ZBTB16: variants seen among roughly 807,000 people sequenced by gnomAD.
The protein encoded by ZBTB16 is zinc finger and BTB domain containing 16.
ZBTB16 carries 8 observed loss-of-function variants against 56.8 expected under a neutral mutation model. The ratio of observed to expected loss-of-function variants is 0.14; its 90% CI spans 0.08 to 0.25. ZBTB16 has a LOEUF of 0.25. Ranked by LOEUF, ZBTB16 falls within the 10% of genes least tolerant of loss-of-function variation. The probability of loss-of-function intolerance (pLI) is 1.00; values close to 1 mark genes in which losing one functional copy is unlikely to be tolerated. For synonymous variants in ZBTB16, 363 were observed against 368.5 expected (o/e 0.98, Z 0.17); for missense variants, 625 against 903.0 (o/e 0.69, Z 3.95).
intron 3 of ZBTB16, among the ~76,000 whole-genome samples, chr11:114,181,488 C>G (rs1284336734): frequency 6.6e-6 from 1 of 152,234 alleles, no homozygotes; most frequent in Non-Finnish European, 1.5e-5. Flanking sequence ...TAAATGGCAC[C>G]AAGGACCTCT....
intron 4 of ZBTB16, among the ~76,000 whole-genome samples, chr11:114,212,948 T>C (rs1944025306): frequency 6.6e-6 from 1 of 151,980 alleles, no homozygotes; most frequent in African/African-American, 2.4e-5. Flanking sequence ...TCAACCTTCA[T>C]CACTGGATGG....
chr11:114,123,797 G>A (rs1045107686), intron 2 of ZBTB16, among the ~76,000 whole-genome samples: 1 of 152,118 alleles, frequency 6.6e-6, no homozygotes, highest in Non-Finnish European at 1.5e-5. Context: ...CCTTAAAATA[G>A]GGTTTTAATA....
rs369737127 is a variant in ZBTB16, at chr11:114,072,318, C to T, written c.1268+7750C>T. Among the ~76,000 whole-genome samples, 49 of 152,330 alleles carry T rather than the reference C, an allele frequency of 3.2e-4. No homozygotes were observed. The South Asian group carries it at 8.1e-3, about 25-fold the overall frequency. On this transcript the variant is annotated intron_variant, in intron 2 of 6. Transcript: ENST00000335953. Reference sequence around the variant, plus strand: ...CCAGGGTACTCTTTGTCCCATTGACCTGAGGCCTGGTGAGTCATTCCAGTT... The same window carrying T: ...CCAGGGTACTCTTTGTCCCATTGACTTGAGGCCTGGTGAGTCATTCCAGTT...
intron 2 of ZBTB16, among the ~76,000 whole-genome samples, chr11:114,094,571 G>A (rs1035746183): frequency 1.3e-5 from 2 of 152,226 alleles, no homozygotes; most frequent in African/African-American, 2.4e-5. Flanking sequence ...GGAGGAGGTA[G>A]CTTCCAGAGA....
At chr11:114,183,307 G>A (rs1943293131) in intron 3 of ZBTB16, among the ~76,000 whole-genome samples, 1 of 152,206 alleles carries the variant, frequency 6.6e-6, no homozygotes, top group African/African-American at 2.4e-5. Flanking sequence ...TTGAAGGCAA[G>A]CAGATGTGGT....
intron 2 of ZBTB16, among the ~76,000 whole-genome samples, chr11:114,100,941 G>A (rs1042827179): frequency 4.6e-5 from 7 of 151,952 alleles, no homozygotes; most frequent in Non-Finnish European, 8.8e-5. Flanking sequence ...AGATACTCAC[G>A]GGAGCCAGCA....
intron 3 of ZBTB16, among the ~76,000 whole-genome samples, chr11:114,157,586 C>T (rs1942452436): frequency 6.6e-6 from 1 of 152,186 alleles, no homozygotes; most frequent in Non-Finnish European, 1.5e-5. Flanking sequence ...CCGTTTAGTA[C>T]TGTCTTTCCC....
Position 114,256,596 on chromosome 11 carries a change from C to G in ZBTB16, c.*6041C>G, listed in dbSNP as rs1591821127. ...GTGGCTAAGCAAGCTTCAGAAATTTCTCAACAAGAAGCTTCCACACAATCA... is the reference window on the plus strand; with the variant it reads ...GTGGCTAAGCAAGCTTCAGAAATTTGTCAACAAGAAGCTTCCACACAATCA... On this transcript the variant is annotated 3_prime_UTR_variant, in exon 7 of 7. Coordinates refer to ENST00000335953, the MANE Select transcript of ZBTB16 (RefSeq NM_006006.6). Among the ~76,000 whole-genome samples the G allele has an allele frequency of 6.6e-6, 1 of 152,198 alleles. No homozygotes were observed. The highest frequency in any genetic ancestry group is 2.4e-5 in the African/African-American group (1 of 41,446).
Position 114,232,833 on chromosome 11 carries a change from G to T in ZBTB16, c.1454-9334G>T, listed in dbSNP as rs1277018811. On this transcript the variant is annotated intron_variant, in intron 4 of 6. Transcript: ENST00000335953. ...CCTCCCACCCCCATGTGGGCCCATTGTCCTCGCCCCCAGCGGGTGCTGCTT... is the reference window on the plus strand; with the variant it reads ...CCTCCCACCCCCATGTGGGCCCATTTTCCTCGCCCCCAGCGGGTGCTGCTT... Among the ~76,000 whole-genome samples the T allele has an allele frequency of 1.2e-4, 18 of 152,292 alleles. No individual in the cohort carries two copies. The East Asian group carries it at 3.1e-3, about 26-fold the overall frequency.
intron 2 of ZBTB16, among the ~76,000 whole-genome samples, chr11:114,106,368 G>C (rs1343119228): frequency 1.3e-5 from 2 of 151,982 alleles, no homozygotes; most frequent in Non-Finnish European, 2.9e-5. Context: ...GGATTACATG[G>C]GAAAATTAAA....
At chr11:114,182,156 A>G (rs1943264761) in intron 3 of ZBTB16, among the ~76,000 whole-genome samples, 1 of 152,094 alleles carries the variant, frequency 6.6e-6, no homozygotes, top group African/African-American at 2.4e-5. Context: ...GGCTCAAGCT[A>G]TTCTCCTGCC....
chr11:114,093,466 C>G (rs1940268818), intron 2 of ZBTB16, among the ~76,000 whole-genome samples: 2 of 152,224 alleles, frequency 1.3e-5, no homozygotes, highest in Admixed American at 6.5e-5. Flanking sequence ...ACAACTCCCT[C>G]TCTTGTCCTT....
At chr11:114,239,870 A>G (rs1230682393) in intron 4 of ZBTB16, among the ~76,000 whole-genome samples, 1 of 152,232 alleles carries the variant, frequency 6.6e-6, no homozygotes, top group Non-Finnish European at 1.5e-5. Context: ...GGTTTCTGAA[A>G]GACAAACCGA....
At position 114,064,533 on chromosome 11, in the gene ZBTB16, C is replaced by T. The variant is rs1398120571; in HGVS notation, c.1233C>T (p.Val411=). The change falls in exon 2 of 7, where the codon GTC becomes GTT. Residue 411 remains valine, a synonymous_variant. Coordinates refer to ENST00000335953, the MANE Select transcript of ZBTB16 (RefSeq NM_006006.6). This position sits in a 1 kb window ranked among gnomAD's most constrained non-coding sequence, Gnocchi z 4.2. ...GAGAGCAGTGCAGCGTGTGTGGGGT[C>T]GAGCTTCCTGATAACGAGGCTGTGG... The part of the protein sequence containing the change: ...TIGEQCSVCG[V]ELPDNEAVEQ... The T allele has an allele frequency of 1.1e-5, 18 of 1,613,846 alleles. No homozygotes were observed. Among genetic ancestry groups the T allele is most frequent in the Admixed American group, 1.7e-5 (1 of 60,006 alleles).
At chr11:114,156,591 A>G (rs563129809) in intron 3 of ZBTB16, among the ~76,000 whole-genome samples, 157 bp downstream of exon 3, 2 of 152,088 alleles carry the variant, frequency 1.3e-5, no homozygotes, top group African/African-American at 4.8e-5. Context: ...GGCTTATGAC[A>G]CAGAAGATCC....
rs1294837755 is a variant in ZBTB16 at position 114,233,065 on chromosome 11, A to AAG, written c.1454-9102_1454-9101insAG. On this transcript the variant is annotated intron_variant, in intron 4 of 6. Coordinates refer to ENST00000335953, the MANE Select transcript of ZBTB16 (RefSeq NM_006006.6). ...CCCACCCACTCTACTGCACATACGC[A>AAG]TGCGCGCGCGCGCGCGCACACACAC... is the stretch of plus-strand genomic sequence containing the variant. Among the ~76,000 whole-genome samples, 439 of 57,550 alleles carry AAG rather than the reference A, an allele frequency of 7.6e-3. 2 individuals carry two copies. The highest frequency in any genetic ancestry group is 0.015 in the Middle Eastern group (2 of 130). The allele number at this position is 57,550 out of a possible 152,430, so 37.8% of individuals were successfully genotyped here. A position where few individuals can be genotyped will look rare whatever the true frequency, so the allele number is the denominator to read the frequency against.
chr11:114,085,035 T>C (rs1939910090), intron 2 of ZBTB16, among the ~76,000 whole-genome samples: 1 of 152,162 alleles, frequency 6.6e-6, no homozygotes, highest in Non-Finnish European at 1.5e-5. Context: ...GGTGATTGAG[T>C]GGAGTGTGTA....
chr11:114,232,528 A>C (rs1429076205), intron 4 of ZBTB16, among the ~76,000 whole-genome samples: 1 of 151,554 alleles, frequency 6.6e-6, no homozygotes, highest in East Asian at 2.0e-4. Flanking sequence ...ATCCCATCTC[A>C]GAGGCACCTC....
intron 2 of ZBTB16, among the ~76,000 whole-genome samples, chr11:114,121,545 T>C (rs994331804): frequency 3.3e-5 from 5 of 152,208 alleles, no homozygotes; most frequent in African/African-American, 7.2e-5. Context: ...ACTGCTGCCA[T>C]TGGTTGAATG....
Sources: gnomAD v4.1 joint callset for allele counts (sites outside exome capture counted in the v4.1 genomes callset) on GRCh38, gnomAD v4.1.1 for gene constraint, Gnocchi (gnomAD v3.1) non-coding constraint, MANE v1.5 for transcripts, NCBI Gene and HGNC (gene_info 2026-07-23, HGNC 2026-07-21) for gene names.